SELENOI: variants seen among roughly 807,000 people sequenced by gnomAD.
SELENOI encodes ethanolaminephosphotransferase 1.
In SELENOI, 24 loss-of-function variants were observed where a neutral mutation model predicts 50.7. The observed-to-expected ratio is 0.47, with a 90% CI of 0.34 to 0.67. SELENOI has a LOEUF of 0.67. SELENOI is among the 30% of genes least tolerant of loss of function. The pLI, the probability that SELENOI is intolerant of heterozygous loss-of-function variation, is 0.01. For synonymous variants in SELENOI, 155 were observed against 170.2 expected, an observed-to-expected ratio of 0.91 and a Z score of 0.70; for missense variants, 352 against 461.4, an observed-to-expected ratio of 0.76 and a Z score of 2.17.
chr2:26,374,095 A>G (rs921626446), intron 5 of SELENOI, among the ~76,000 whole-genome samples: 2 of 152,178 alleles, frequency 1.3e-5, no homozygotes, highest in African/African-American at 4.8e-5. Flanking sequence ...TATATGATAA[A>G]TACTTCGCTA....
rs761594966 is a variant in SELENOI at position 26,373,609 on chromosome 2, G to A, written c.553G>A (p.Gly185Arg). ...CACAGGGATTCTTTTCCTGCCATGG[G>A]GATATGACATTAGCCAGGTGGTAAG... ...YNTGILFLPW[G>R]YDISQVTISF... Residue 185 changes from glycine (G) to arginine (R), a missense_variant, in exon 5 of 10, where the codon GGA becomes AGA. Physicochemically the swap from Gly to Arg is moderately radical, Grantham distance 125. Coordinates refer to ENST00000260585, the MANE Select transcript of SELENOI (RefSeq NM_033505.4). 1.2e-6 allele frequency: 2 copies of A among 1,613,788 alleles called. No individual in the cohort carries two copies. Among genetic ancestry groups the A allele is most frequent in the Non-Finnish European group, 1.7e-6 (2 of 1,179,838 alleles).
At chr2:26,356,971 C>T (rs1677077002) in intron 1 of SELENOI, among the ~76,000 whole-genome samples, 1 of 152,140 alleles carries the variant, frequency 6.6e-6, no homozygotes, top group Non-Finnish European at 1.5e-5. Flanking sequence ...CACACACACA[C>T]GTGAGTCATA....
rs996704451 is a variant in SELENOI, at chr2:26,390,455, T to C, written c.*1352T>C. The C allele has an allele frequency of 2.6e-5, 4 of 152,360 alleles. No homozygotes were observed. The highest frequency in any genetic ancestry group is 9.7e-5 in the African/African-American group (4 of 41,198). 9.4% of individuals were successfully genotyped at this position (152,360 alleles called of 1,614,324 possible). ...GATAAAATAGGCACCACTGTGTTGA[T>C]ATGTAATTAAATTCATAACTATTTA... On this transcript the variant is annotated 3_prime_UTR_variant, in exon 10 of 10. Transcript: ENST00000260585.
chr2:26,351,220 G>A (rs1465868527), intron 1 of SELENOI, among the ~76,000 whole-genome samples: 1 of 151,928 alleles, frequency 6.6e-6, no homozygotes, highest in Admixed American at 6.6e-5. Flanking sequence ...CACCACACCC[G>A]GCTAATTTTT....
At chr2:26,369,517 C>A (rs775502525) in intron 4 of SELENOI, among the ~76,000 whole-genome samples, 1 of 152,088 alleles carries the variant, frequency 6.6e-6, no homozygotes, top group Non-Finnish European at 1.5e-5. Flanking sequence ...TCATCTTTTG[C>A]GGCATTTTAT....
intron 6 of SELENOI, among the ~76,000 whole-genome samples, chr2:26,380,168 A>T (rs549648620): frequency 4.6e-4 from 70 of 152,272 alleles, no homozygotes; most frequent in Middle Eastern, 3.4e-3. Flanking sequence ...AATATTTGTG[A>T]TAAAGTCAAA....
intron 4 of SELENOI, among the ~76,000 whole-genome samples, chr2:26,373,035 C>T (rs1358902691): frequency 3.9e-5 from 6 of 152,062 alleles, no homozygotes; most frequent in East Asian, 3.9e-4. Context: ...ACTACAGGTG[C>T]GCACCACCAT....
At chr2:26,367,997 A>G (rs545967929) in intron 4 of SELENOI, among the ~76,000 whole-genome samples, 16 of 152,204 alleles carry the variant, frequency 1.1e-4, no homozygotes, top group Non-Finnish European at 2.1e-4. Flanking sequence ...GAAAGTGAGT[A>G]CTGCGTTGTT....
At chr2:26,371,263 G>C (rs1359426944) in intron 4 of SELENOI, among the ~76,000 whole-genome samples, 1 of 151,796 alleles carries the variant, frequency 6.6e-6, no homozygotes, top group Non-Finnish European at 1.5e-5. Context: ...TCTCAGACGG[G>C]GTGGCCGGGC....
intron 6 of SELENOI, among the ~76,000 whole-genome samples, chr2:26,380,954 T>C (rs780578316): frequency 6.6e-6 from 1 of 152,144 alleles, no homozygotes; most frequent in Non-Finnish European, 1.5e-5. Context: ...GATTTTTTTT[T>C]CTATAGGGTT....
At chr2:26,383,388 G>C (rs376047237) in intron 7 of SELENOI, 41 bp downstream of exon 7, 1 of 1,389,134 alleles carries the variant, frequency 7.2e-7, no homozygotes, top group African/African-American at 1.4e-5. Context: ...AATATGAAAA[G>C]TTTTAGCAGT....
intron 6 of SELENOI, among the ~76,000 whole-genome samples, chr2:26,378,330 C>T (rs1290232699): frequency 6.6e-6 from 1 of 152,196 alleles, no homozygotes; most frequent in Admixed American, 6.5e-5. Context: ...ACAGCAGACT[C>T]ACATCTCACC....
intron 4 of SELENOI, among the ~76,000 whole-genome samples, chr2:26,371,900 A>C (rs569913376): frequency 2.4e-4 from 37 of 152,066 alleles, no homozygotes; most frequent in Non-Finnish European, 4.6e-4. Flanking sequence ...AGGGAGAGGG[A>C]GAGGGAGAGG....
At chr2:26,351,335 G>C (rs545801981) in intron 1 of SELENOI, among the ~76,000 whole-genome samples, 81 of 152,346 alleles carry the variant, frequency 5.3e-4, no homozygotes, top group African/African-American at 1.8e-3. Context: ...TGGGATTACA[G>C]GCATGAGCCA....
intron 1 of SELENOI, among the ~76,000 whole-genome samples, chr2:26,353,154 T>C (rs1049114819): frequency 2.0e-5 from 3 of 152,174 alleles, no homozygotes; most frequent in African/African-American, 4.8e-5. Flanking sequence ...ACTGGGTGGA[T>C]AGAAGTGGTA....
chr2:26,348,701 T>G (rs1287416659), intron 1 of SELENOI, among the ~76,000 whole-genome samples: 1 of 152,128 alleles, frequency 6.6e-6, no homozygotes, highest in East Asian at 1.9e-4. Flanking sequence ...CTTTTTTTTT[T>G]TTTTCTTTAA....
chr2:26,354,768 T>G (rs1316046337), intron 1 of SELENOI, among the ~76,000 whole-genome samples: 1 of 152,228 alleles, frequency 6.6e-6, no homozygotes, highest in Non-Finnish European at 1.5e-5. Context: ...GATGTGTATC[T>G]AATGTACGCA....
Position 26,395,232 on chromosome 2 carries a change from T to G in SELENOI, c.*6129T>G, listed in dbSNP as rs1341889967. 1 of 152,202 alleles carries G rather than the reference T, an allele frequency of 6.6e-6. No homozygotes were observed. Among genetic ancestry groups the G allele is most frequent in the Non-Finnish European group, 1.5e-5 (1 of 68,042 alleles). 9.4% of individuals were successfully genotyped at this position (152,202 alleles called of 1,614,324 possible). A position where few individuals can be genotyped will look rare whatever the true frequency, so the allele number is the denominator to read the frequency against. On this transcript the variant is annotated 3_prime_UTR_variant, in exon 10 of 10. Coordinates refer to ENST00000260585, the MANE Select transcript of SELENOI (RefSeq NM_033505.4). The stretch of plus-strand genomic sequence containing the variant: ...GTCTGCTTGATTATCAGCAAAATGG[T>G]CAGCCTTTATCAGATAGTTTCTTCA...
intron 1 of SELENOI, among the ~76,000 whole-genome samples, chr2:26,355,886 A>G (rs2147945542): frequency 6.6e-6 from 1 of 151,680 alleles, no homozygotes; most frequent in African/African-American, 2.4e-5. Context: ...GACTACAGTC[A>G]TACGCCACCA....
Sources: allele counts gnomAD v4.1 joint callset (sites outside exome capture counted in the v4.1 genomes callset), GRCh38; gene constraint gnomAD v4.1.1; transcripts MANE v1.5; gene names NCBI Gene and HGNC (gene_info 2026-07-23, HGNC 2026-07-21).